Variants in ABHD12 observed in about 807,000 individuals in gnomAD.
ABHD12 encodes the protein lysophosphatidylserine lipase ABHD12.
Under a neutral mutation model 58.3 loss-of-function variants are expected in ABHD12, and 43 were observed. The ratio of observed to expected loss-of-function variants is 0.74; its 90% confidence interval spans 0.58 to 0.95. ABHD12 has a LOEUF of 0.95. Among genes scored for constraint, ABHD12 ranks in the 40% least tolerant of loss-of-function variants. The probability of loss-of-function intolerance (pLI) is 0.00; values close to 1 mark genes in which losing one functional copy is unlikely to be tolerated. For missense variants in ABHD12, 539 were observed against 537.2 expected, an observed-to-expected ratio of 1.00 and a Z score of -0.03; for synonymous variants, 219 against 211.2, an observed-to-expected ratio of 1.04 and a Z score of -0.32.
At chr20:25,331,622 C>T (rs1462441396) in intron 2 of ABHD12, among the ~76,000 whole-genome samples, 7 of 152,270 alleles carry the variant, frequency 4.6e-5, no homozygotes, top group African/African-American at 1.7e-4. Context: ...AGAAACTCTA[C>T]AAGCCAGAAG....
At chr20:25,295,911 CTG>C (rs2088535481), downstream of ABHD12, among the ~76,000 whole-genome samples, 1 of 152,234 alleles carries the variant, frequency 6.6e-6, no homozygotes, top group Non-Finnish European at 1.5e-5. Flanking sequence ...GGCCTGGAAA[CTG>C]AGTGACGGGC....
At chr20:25,330,095 A>G (rs565299896) in intron 2 of ABHD12, among the ~76,000 whole-genome samples, 162 of 152,372 alleles carry the variant, frequency 1.1e-3, no homozygotes, top group Non-Finnish European at 1.9e-3. Context: ...GGCGCAGGTC[A>G]GTGGGTACGC....
intron 1 of ABHD12, among the ~76,000 whole-genome samples, chr20:25,382,234 G>C (rs899722837): frequency 6.6e-6 from 1 of 152,058 alleles, no homozygotes; most frequent in Non-Finnish European, 1.5e-5. Flanking sequence ...AGGGGCTGAG[G>C]CCTAAATGAG....
downstream of ABHD12, chr20:25,296,507 C>T (rs1271755360): frequency 1.2e-6 from 2 of 1,613,488 alleles, no homozygotes; most frequent in East Asian, 2.2e-5. Context: ...CGCCCCCCAA[C>T]ATCCCCCGGG....
intron 1 of ABHD12, among the ~76,000 whole-genome samples, chr20:25,371,620 A>G (rs1051139654): frequency 6.6e-6 from 1 of 152,218 alleles, no homozygotes; most frequent in East Asian, 1.9e-4. Flanking sequence ...CCAAGTAAGG[A>G]TCTCAGAAAC....
chr20:25,363,774 A>C (rs958743589), intron 1 of ABHD12, among the ~76,000 whole-genome samples: 5 of 152,128 alleles, frequency 3.3e-5, no homozygotes, highest in Non-Finnish European at 7.4e-5. Context: ...CTGAGGCAGC[A>C]GAATCGCTTG....
intron 1 of ABHD12, among the ~76,000 whole-genome samples, chr20:25,352,287 T>C (rs1196586720): frequency 2.0e-5 from 3 of 151,772 alleles, no homozygotes; most frequent in African/African-American, 7.3e-5. Flanking sequence ...CCACCGCACC[T>C]GGCCTTTTAT....
intron 1 of ABHD12, among the ~76,000 whole-genome samples, chr20:25,375,072 G>C (rs938923575): frequency 2.0e-5 from 3 of 152,198 alleles, no homozygotes; most frequent in African/African-American, 7.2e-5. Flanking sequence ...CTATGACTCA[G>C]CTTTGTAAGA....
chr20:25,330,308 G>A (rs1482668033), intron 2 of ABHD12, among the ~76,000 whole-genome samples: 2 of 152,246 alleles, frequency 1.3e-5, no homozygotes, highest in Non-Finnish European at 2.9e-5. Context: ...GGCTCGGAGG[G>A]TCCTACGCCC....
At chr20:25,374,838 C>T (rs1179785206) in intron 1 of ABHD12, among the ~76,000 whole-genome samples, 2 of 152,176 alleles carry the variant, frequency 1.3e-5, no homozygotes, top group East Asian at 3.8e-4. Context: ...CACTAACGTG[C>T]GTGTCAGTAC....
At chr20:25,339,723 G>A in intron 1 of ABHD12, 3 of 1,359,706 alleles carry the variant, frequency 2.2e-6, no homozygotes, top group African/African-American at 1.5e-5. Context: ...GGCCTCCTCA[G>A]GCCTCCCGAT....
At chr20:25,301,161 C>T (rs1463276978) in intron 12 of ABHD12, among the ~76,000 whole-genome samples, 1 of 152,216 alleles carries the variant, frequency 6.6e-6, no homozygotes, top group Non-Finnish European at 1.5e-5. Flanking sequence ...AAATTTTCTA[C>T]ACATATCTTC....
chr20:25,336,313 T>G (rs535827080), intron 2 of ABHD12, among the ~76,000 whole-genome samples: 38 of 152,330 alleles, frequency 2.5e-4, no homozygotes, highest in Non-Finnish European at 3.4e-4. Flanking sequence ...GGTTCTTTTT[T>G]TTTTTAGCTA....
At chr20:25,387,130 A>C (rs2090101783) in intron 1 of ABHD12, among the ~76,000 whole-genome samples, 2 of 152,226 alleles carry the variant, frequency 1.3e-5, no homozygotes, top group Admixed American at 6.5e-5. Flanking sequence ...AGCTCCCCAC[A>C]ACATTAGCAA....
chr20:25,339,621 C>A (rs1408762325), intron 1 of ABHD12: 3 of 1,438,410 alleles, frequency 2.1e-6, no homozygotes, highest in Non-Finnish European at 2.8e-6. Flanking sequence ...CTTACACTCA[C>A]CCTTGCAGAA....
intron 1 of ABHD12, among the ~76,000 whole-genome samples, chr20:25,357,868 G>A (rs1460540825): frequency 6.6e-6 from 1 of 152,074 alleles, no homozygotes; most frequent in African/African-American, 2.4e-5. Context: ...AAAATTAGCT[G>A]GGTGTCATGA....
At chr20:25,360,883 C>T (rs994123641) in intron 1 of ABHD12, among the ~76,000 whole-genome samples, 4 of 152,160 alleles carry the variant, frequency 2.6e-5, no homozygotes, top group African/African-American at 7.2e-5. Context: ...GGCCACTGCC[C>T]CAATTCATCA....
intron 6 of ABHD12, among the ~76,000 whole-genome samples, chr20:25,311,978 G>A (rs1323434105): frequency 1.3e-5 from 2 of 151,992 alleles, no homozygotes; most frequent in Admixed American, 6.5e-5. Context: ...AAAGTGCTGG[G>A]ATTACAGGCG....
In ABHD12 at chr20:25,378,096, C is replaced by T. The variant is rs866621557; in HGVS notation, c.191+12417G>A. On this transcript the variant is annotated intron_variant, in intron 1 of 12. Coordinates refer to ENST00000339157, the MANE Select transcript of ABHD12 (RefSeq NM_001042472.3). ...CGGGGACACATTTAAACCATTAAAC[C>T]ATCAAGCCATAGCAGATACCCTGAA... is the stretch of plus-strand genomic sequence containing the variant. 4.6e-5 allele frequency among the ~76,000 whole-genome samples: 7 copies of T among 152,188 alleles called. No homozygotes were observed. The South Asian group carries it at 8.3e-4, about 18-fold the overall frequency.
Sources: gnomAD v4.1 joint callset for allele counts (sites outside exome capture counted in the v4.1 genomes callset) on GRCh38, gnomAD v4.1.1 for gene constraint, MANE v1.5 for transcripts, NCBI Gene and HGNC (gene_info 2026-07-23, HGNC 2026-07-21) for gene names.